PAPPA2: variants seen among roughly 807,000 people sequenced by gnomAD.
PAPPA2 encodes the protein pappalysin-2.
A neutral mutation model predicts 176.4 loss-of-function variants in PAPPA2; 86 were observed. The observed-to-expected ratio is 0.49, with a 90% CI of 0.41 to 0.58. The LOEUF is 0.58. Among genes scored for constraint, PAPPA2 ranks in the 20% least tolerant of loss-of-function variants. The pLI is 0.00. For missense variants in PAPPA2, 2,073 were observed against 2,256.9 expected (o/e 0.92, Z 1.65); for synonymous variants, 809 against 852.2 (o/e 0.95, Z 0.88).
At chr1:176,731,720 C>T (rs1571241521) in intron 12 of PAPPA2, among the ~76,000 whole-genome samples, 1 of 151,318 alleles carries the variant, frequency 6.6e-6, no homozygotes, top group East Asian at 1.9e-4. Flanking sequence ...TATATACACA[C>T]ATATATGTGT....
At chr1:176,795,602 C>A (rs549897234) in intron 20 of PAPPA2, among the ~76,000 whole-genome samples, 1 of 152,144 alleles carries the variant, frequency 6.6e-6, no homozygotes, top group African/African-American at 2.4e-5. Flanking sequence ...CAATTGTTTG[C>A]ATGTAAATGA....
intron 3 of PAPPA2, among the ~76,000 whole-genome samples, chr1:176,640,320 C>T (rs1656996007): frequency 1.3e-5 from 2 of 149,878 alleles, no homozygotes; most frequent in Admixed American, 1.3e-4. Flanking sequence ...TTAGGTATAT[C>T]TCCCAATGCT....
At chr1:176,508,905 T>A (rs1648452682) in intron 1 of PAPPA2, among the ~76,000 whole-genome samples, 1 of 152,188 alleles carries the variant, frequency 6.6e-6, no homozygotes, top group South Asian at 2.1e-4. Flanking sequence ...CATGTGGAAC[T>A]GTGAATCAAT....
chr1:176,614,973 A>G (rs1655123357), intron 3 of PAPPA2, among the ~76,000 whole-genome samples: 1 of 152,246 alleles, frequency 6.6e-6, no homozygotes, highest in African/African-American at 2.4e-5. Flanking sequence ...AGAGAAGGAA[A>G]AAAAAATCAC....
At chr1:176,782,606 G>C (rs940552962) in intron 17 of PAPPA2, among the ~76,000 whole-genome samples, 1 of 152,170 alleles carries the variant, frequency 6.6e-6, no homozygotes, top group African/African-American at 2.4e-5. Flanking sequence ...GTCATGGGTT[G>C]TGCTTGGGAT....
intron 2 of PAPPA2, among the ~76,000 whole-genome samples, chr1:176,585,805 T>C (rs1281911806): frequency 6.6e-6 from 1 of 152,116 alleles, no homozygotes. Context: ...TTTTATTCAT[T>C]GAATTATCCA....
chr1:176,560,313 T>C (rs189714227), intron 2 of PAPPA2, among the ~76,000 whole-genome samples: 68 of 152,296 alleles, frequency 4.5e-4, no homozygotes, highest in Middle Eastern at 3.4e-3. Flanking sequence ...TCTTCCAAAA[T>C]AGAAAGTTGA....
At chr1:176,783,612 G>A (rs1340734665) in intron 17 of PAPPA2, among the ~76,000 whole-genome samples, 1 of 152,146 alleles carries the variant, frequency 6.6e-6, no homozygotes, top group Non-Finnish European at 1.5e-5. Flanking sequence ...GAAGTTAGAG[G>A]GAAAATAAAT....
chr1:176,595,086 G>T lies in PAPPA2; in HGVS notation c.1482G>T (p.Leu494Phe), dbSNP rs973466037. The T allele has an allele frequency of 1.2e-6, 2 of 1,614,114 alleles. No individual in the cohort carries two copies. The highest frequency in any genetic ancestry group is 3.3e-5 in the Admixed American group (2 of 60,024). Residue 494 changes from leucine (L) to phenylalanine (F), a missense_variant, in exon 3 of 23, where the codon TTG (leucine) becomes TTT (phenylalanine). This residue lies in a region of PAPPA2 where 1,196 missense variants were observed against 1,330.4 expected (regional missense o/e 0.90). Transcript: ENST00000367662. ...FEPEPEILSP[L>F]QPPLCGQTVC... Reference sequence around the variant, plus strand: ...CAGAGCCTGAGATTCTGTCGCCTTTGCAGCCCCCACTCTGTGGGCAAACAG... The same window carrying T: ...CAGAGCCTGAGATTCTGTCGCCTTTTCAGCCCCCACTCTGTGGGCAAACAG...
chr1:176,625,632 G>C (rs1655963327), intron 3 of PAPPA2, among the ~76,000 whole-genome samples: 1 of 152,010 alleles, frequency 6.6e-6, no homozygotes, highest in Non-Finnish European at 1.5e-5. Context: ...CATCCCACTG[G>C]CATCCCATAC....
intron 3 of PAPPA2, among the ~76,000 whole-genome samples, chr1:176,614,300 A>G (rs1655090823): frequency 6.6e-6 from 1 of 152,220 alleles, no homozygotes; most frequent in Non-Finnish European, 1.5e-5. Context: ...ATCTATTGCC[A>G]CATGGAGGGT....
At chr1:176,747,743 G>A (rs192014052) in intron 14 of PAPPA2, among the ~76,000 whole-genome samples, 27 of 152,300 alleles carry the variant, frequency 1.8e-4, no homozygotes, top group South Asian at 6.2e-4. Context: ...TCTAGGCAAC[G>A]CTTAGCTGGG....
At position 176,541,632 on chromosome 1, in the gene PAPPA2, A is replaced by AAAATGCAT. The variant is rs372016743; in HGVS notation, c.-916-13774_-916-13767dup. Among the ~76,000 whole-genome samples the AAAATGCAT allele has an allele frequency of 9.2e-4, 140 of 152,352 alleles. 1 individual carries two copies. The highest frequency in any genetic ancestry group is 2.9e-3 in the African/African-American group (119 of 41,586). On this transcript the variant is annotated intron_variant, in intron 1 of 22. Transcript: ENST00000367662. ...CCATGCCAAACATCCACGTAGATGA[A>AAAATGCAT]AAATGCATTTATAATGATCCACATC...
At chr1:176,835,662 G>A (rs1027989497) in intron 21 of PAPPA2, among the ~76,000 whole-genome samples, 6 of 152,176 alleles carry the variant, frequency 3.9e-5, no homozygotes, top group Non-Finnish European at 8.8e-5. Context: ...TGGGATTACA[G>A]GCAGGCACCA....
In PAPPA2 at chr1:176,594,844, G is replaced by T; in HGVS notation, c.1240G>T (p.Glu414Ter). 6.2e-7 allele frequency: 1 copy of T among 1,614,226 alleles called. No individual in the cohort carries two copies. The change falls in exon 3 of 23, where the codon GAG becomes TAG. Residue 414 changes from glutamate (E) to a stop codon, truncating the protein, a stop_gained. Transcript: ENST00000367662. LOFTEE classifies it high-confidence loss of function. ...RSLLLGGDSS[E>*]DGHYFRGHLG... ...TTTGCTCCTGGGGGGAGACAGCTCT[G>T]AGGATGGGCACTATTTCCGTGGACA...
intron 1 of PAPPA2, among the ~76,000 whole-genome samples, chr1:176,518,952 C>T (rs1286045359): frequency 6.6e-6 from 1 of 152,114 alleles, no homozygotes; most frequent in East Asian, 1.9e-4. Context: ...TCACATATGT[C>T]GTTCTAGAGA....
rs144675637 is a variant in PAPPA2, at chr1:176,647,509, T to C, written c.1992-23461T>C. On this transcript the variant is annotated intron_variant, in intron 3 of 22. Coordinates refer to ENST00000367662, the MANE Select transcript of PAPPA2 (RefSeq NM_020318.3). ...GCCCAGTCCAATGCCATGAAAAATTTTGTCAATGTTTACTTGTAGCAGTTT... is the reference window on the plus strand; with the variant it reads ...GCCCAGTCCAATGCCATGAAAAATTCTGTCAATGTTTACTTGTAGCAGTTT... Among the ~76,000 whole-genome samples, 776 of 151,794 alleles carry C rather than the reference T, an allele frequency of 5.1e-3. 13 individuals carry two copies. The highest frequency in any genetic ancestry group is 0.017 in the African/African-American group (707 of 41,512).
At chr1:176,567,056 C>T (rs1652026995) in intron 2 of PAPPA2, among the ~76,000 whole-genome samples, 1 of 152,158 alleles carries the variant, frequency 6.6e-6, no homozygotes, top group South Asian at 2.1e-4. Flanking sequence ...ACATCATACA[C>T]CCCCTGGCCC....
In PAPPA2 at chr1:176,695,776, G is replaced by A. The variant is rs1660348155; in HGVS notation, c.2663G>A (p.Gly888Glu). The change falls in exon 7 of 23, where the codon GGG (glycine) becomes GAG (glutamate). Residue 888 changes from glycine (G) to glutamate (E), a missense_variant. Physicochemically the swap from Gly to Glu is moderately conservative, Grantham distance 98. Coordinates refer to ENST00000367662, the MANE Select transcript of PAPPA2 (RefSeq NM_020318.3). ...GSLCGACTED[G>E]TFRQYVHTAS... is the part of the protein sequence containing the mutation. Reference sequence around the variant, plus strand: ...TTGTGTGGCGCTTGCACTGAAGATGGGACCTTTCGTCAGTATGTGCACACA... The same window carrying A: ...TTGTGTGGCGCTTGCACTGAAGATGAGACCTTTCGTCAGTATGTGCACACA... 4 of 1,614,058 alleles carry A rather than the reference G, an allele frequency of 2.5e-6. No homozygotes were observed. Among genetic ancestry groups the A allele is most frequent in the Non-Finnish European group, 3.4e-6 (4 of 1,179,990 alleles).
Sources: gnomAD v4.1 joint callset for allele counts (sites outside exome capture counted in the v4.1 genomes callset) on GRCh38, gnomAD v4.1.1 for gene constraint, gnomAD v4.1.1 regional missense constraint, MANE v1.5 for transcripts, NCBI Gene and HGNC (gene_info 2026-07-23, HGNC 2026-07-21) for gene names.